Variants in AP1G1 observed in about 807,000 individuals in gnomAD.
The protein encoded by AP1G1 is adaptor related protein complex 1 subunit gamma 1, also known as AP-1 complex subunit gamma-1.
Under a neutral mutation model 108.3 loss-of-function variants are expected in AP1G1, and 7 were observed. The ratio of observed to expected loss-of-function variants is 0.06; its 90% CI spans 0.04 to 0.12. The LOEUF is 0.12. AP1G1 is among the 10% of genes least tolerant of loss of function. The probability of loss-of-function intolerance (pLI) is 1.00; values close to 1 mark genes in which losing one functional copy is unlikely to be tolerated. For missense variants in AP1G1, 756 were observed against 1,010.7 expected, an observed-to-expected ratio of 0.75 and a Z score of 3.42; for synonymous variants, 379 against 353.5, an observed-to-expected ratio of 1.07 and a Z score of -0.81.
intron 2 of AP1G1, among the ~76,000 whole-genome samples, chr16:71,775,386 T>C (rs549407585): frequency 5.9e-5 from 9 of 152,254 alleles, no homozygotes; most frequent in African/African-American, 1.9e-4. Context: ...GATATCTTAA[T>C]AGAAATCAAG....
intron 16 of AP1G1, 117 bp downstream of exon 16, chr16:71,748,134 T>G: frequency 9.4e-7 from 1 of 1,062,760 alleles, no homozygotes; most frequent in Non-Finnish European, 1.4e-6. Context: ...ATTTGTGTTA[T>G]TATTCTCTCT....
chr16:71,736,783 CG>C (rs1448978181), intron 21 of AP1G1, among the ~76,000 whole-genome samples: 1 of 139,138 alleles, frequency 7.2e-6, no homozygotes, highest in Non-Finnish European at 1.5e-5. Context: ...TTAGTAGAGA[CG>C]GGGTTTCACC....
intron 2 of AP1G1, among the ~76,000 whole-genome samples, chr16:71,775,614 A>T (rs2031753869): frequency 6.6e-6 from 1 of 152,188 alleles, no homozygotes; most frequent in African/African-American, 2.4e-5. Flanking sequence ...AAAACTCAAT[A>T]ACTAGAAATA....
At chr16:71,798,088 GT>G (rs1332811414) in intron 1 of AP1G1, among the ~76,000 whole-genome samples, 1 of 152,170 alleles carries the variant, frequency 6.6e-6, no homozygotes, top group African/African-American at 2.4e-5. Context: ...TAAAATATTT[GT>G]TGAAAGACCT....
At chr16:71,758,728 G>A (rs540187157) in intron 11 of AP1G1, 80 bp downstream of exon 11, 2 of 783,130 alleles carry the variant, frequency 2.6e-6, no homozygotes, top group Non-Finnish European at 4.3e-6. Flanking sequence ...AGTATCACAT[G>A]GCAGCGGCAT....
At position 71,774,260 on chromosome 16, in the gene AP1G1, C is replaced by T. The variant is rs1178534069; in HGVS notation, c.326+208G>A. On this transcript the variant is annotated intron_variant, in intron 3 of 22. Transcript: ENST00000299980. ...AGGCGTGGTGGCAGGTGCCTATAAT[C>T]CCAGCTACGCAGGAGGCTGAGGCAG... 9.8e-6 allele frequency: 5 copies of T among 508,168 alleles called. No individual in the cohort carries two copies. The African/African-American group carries it at 1.0e-4, about 10-fold the overall frequency. The allele number at this position is 508,168 out of a possible 1,614,324, so 31.5% of individuals were successfully genotyped here.
chr16:71,768,902 A>G (rs2031437290), intron 6 of AP1G1, among the ~76,000 whole-genome samples: 1 of 129,094 alleles, frequency 7.7e-6, no homozygotes, highest in Non-Finnish European at 1.6e-5. Flanking sequence ...TGGGCGACAG[A>G]GCAAGACTCT....
At chr16:71,794,174 C>A (rs987659994) in intron 1 of AP1G1, among the ~76,000 whole-genome samples, 3 of 152,278 alleles carry the variant, frequency 2.0e-5, no homozygotes, top group Non-Finnish European at 4.4e-5. Flanking sequence ...TACCATCTGC[C>A]CTTACTAATT....
chr16:71,796,176 T>C (rs553119668), intron 1 of AP1G1, among the ~76,000 whole-genome samples: 1 of 152,258 alleles, frequency 6.6e-6, no homozygotes, highest in Admixed American at 6.5e-5. Flanking sequence ...GGGACTTGGG[T>C]TGCAGTGAGC....
intron 1 of AP1G1, among the ~76,000 whole-genome samples, chr16:71,801,113 CCAGG>C (rs2032781397): frequency 6.6e-6 from 1 of 152,074 alleles, no homozygotes; most frequent in African/African-American, 2.4e-5. Context: ...TTGATACCAG[CCAGG>C]CCAACATGGC....
intron 1 of AP1G1, chr16:71,807,704 T>C (rs770558177): frequency 3.4e-4 from 270 of 805,784 alleles, no homozygotes; most frequent in Middle Eastern, 5.3e-4. Flanking sequence ...ATCATTACTG[T>C]ACAAACACTT....
chr16:71,780,383 T>TC (rs1231696047), intron 2 of AP1G1, among the ~76,000 whole-genome samples: 1 of 151,918 alleles, frequency 6.6e-6, no homozygotes, highest in Non-Finnish European at 1.5e-5. Flanking sequence ...TCTCAACTAC[T>TC]CAGGAGGCTC....
intron 1 of AP1G1, among the ~76,000 whole-genome samples, chr16:71,790,775 A>G (rs904503765): frequency 1.3e-4 from 20 of 152,204 alleles, no homozygotes; most frequent in African/African-American, 4.6e-4. Context: ...CTAAAACTAA[A>G]AATCTTCCAG....
intron 1 of AP1G1, among the ~76,000 whole-genome samples, chr16:71,795,662 G>A (rs1289503853): frequency 6.6e-6 from 1 of 152,206 alleles, no homozygotes; most frequent in Admixed American, 6.5e-5. Context: ...TGACTAGAAT[G>A]TGACACTAGA....
intron 1 of AP1G1, among the ~76,000 whole-genome samples, chr16:71,791,015 G>A (rs1041611445): frequency 2.6e-5 from 4 of 152,144 alleles, no homozygotes; most frequent in Non-Finnish European, 4.4e-5. Flanking sequence ...GAGGTCAGAA[G>A]TTCGAAACCA....
chr16:71,797,139 T>G (rs1200287555), intron 1 of AP1G1, among the ~76,000 whole-genome samples: 2 of 151,554 alleles, frequency 1.3e-5, no homozygotes, highest in African/African-American at 2.4e-5. Flanking sequence ...AAAAAAAAAT[T>G]TCATTCTCCC....
At chr16:71,752,395 C>T (rs1041970750) in intron 13 of AP1G1, among the ~76,000 whole-genome samples, 2 of 152,100 alleles carry the variant, frequency 1.3e-5, no homozygotes, top group Admixed American at 1.3e-4. Context: ...AACTAAAAAA[C>T]GAGTATGCCC....
intron 21 of AP1G1, among the ~76,000 whole-genome samples, chr16:71,735,227 T>C (rs779719015): frequency 2.0e-5 from 3 of 152,228 alleles, no homozygotes; most frequent in Non-Finnish European, 4.4e-5. Flanking sequence ...TAATCTATAA[T>C]GTGTCAGAGC....
intron 2 of AP1G1, among the ~76,000 whole-genome samples, chr16:71,788,675 AAAG>A (rs2032294888): frequency 6.6e-6 from 1 of 151,918 alleles, no homozygotes; most frequent in Non-Finnish European, 1.5e-5. Flanking sequence ...TTTAAAAAAA[AAAG>A]AAATAGGATC....
Sources: allele counts gnomAD v4.1 joint callset (sites outside exome capture counted in the v4.1 genomes callset), GRCh38; gene constraint gnomAD v4.1.1; transcripts MANE v1.5; gene names NCBI Gene and HGNC (gene_info 2026-07-23, HGNC 2026-07-21).